ATG5: variants seen among roughly 807,000 people sequenced by gnomAD.
ATG5 encodes the protein autophagy protein 5.
A neutral mutation model predicts 36.5 loss-of-function variants in ATG5; 14 were observed. That is an observed-to-expected ratio of 0.38 (90% CI 0.25 to 0.60). ATG5 has a LOEUF of 0.60. Among genes scored for constraint, ATG5 ranks in the 20% least tolerant of loss-of-function variants. ATG5 has a pLI of 0.60. For missense variants in ATG5, 195 were observed against 326.7 expected (o/e 0.60, Z 3.11); for synonymous variants, 95 against 101.5 (o/e 0.94, Z 0.38).
intron 6 of ATG5, among the ~76,000 whole-genome samples, chr6:106,235,516 C>T (rs1043378732): frequency 6.6e-5 from 10 of 152,226 alleles, no homozygotes; most frequent in Middle Eastern, 3.4e-3. Context: ...TTTCCTAGGC[C>T]GACTAAGAAT....
chr6:106,301,434 T>A (rs945340334), intron 3 of ATG5, among the ~76,000 whole-genome samples: 1 of 151,964 alleles, frequency 6.6e-6, no homozygotes, highest in Non-Finnish European at 1.5e-5. Flanking sequence ...TTAGCAGGTG[T>A]GGTAAAAAGA....
intron 6 of ATG5, among the ~76,000 whole-genome samples, chr6:106,233,381 G>T (rs886840473): frequency 6.6e-6 from 1 of 152,200 alleles, no homozygotes; most frequent in Admixed American, 6.5e-5. Context: ...TACCCATTTA[G>T]TAAGATGGAC....
intron 3 of ATG5, among the ~76,000 whole-genome samples, chr6:106,299,713 G>A (rs1770129179): frequency 1.3e-5 from 2 of 152,214 alleles, no homozygotes. Flanking sequence ...GGCACATGGT[G>A]TAGCAATAAT....
At chr6:106,207,089 C>G (rs1053605008) in intron 6 of ATG5, among the ~76,000 whole-genome samples, 6 of 152,160 alleles carry the variant, frequency 3.9e-5, no homozygotes, top group Non-Finnish European at 8.8e-5. Context: ...CAGTATTACT[C>G]TCATGAGAAA....
At chr6:106,257,342 T>C (rs917810599) in intron 5 of ATG5, among the ~76,000 whole-genome samples, 1 of 152,196 alleles carries the variant, frequency 6.6e-6, no homozygotes, top group Non-Finnish European at 1.5e-5. Flanking sequence ...TATCAATTAC[T>C]GTACATAATT....
intron 6 of ATG5, 41 bp from the exon 7 acceptor site, chr6:106,202,130 T>A (rs760717290): frequency 6.6e-7 from 1 of 1,508,342 alleles, no homozygotes; most frequent in South Asian, 1.1e-5. Context: ...AATTAAGTCT[T>A]TGTTGCTGCC....
chr6:106,197,535 G>C (rs967272287), intron 7 of ATG5, among the ~76,000 whole-genome samples: 1 of 151,300 alleles, frequency 6.6e-6, no homozygotes. Flanking sequence ...GGGTGGGGGG[G>C]GCGGGGGTGG....
At chr6:106,245,557 C>G (rs987127942) in intron 6 of ATG5, among the ~76,000 whole-genome samples, 5 of 152,122 alleles carry the variant, frequency 3.3e-5, no homozygotes, top group African/African-American at 1.2e-4. Flanking sequence ...ATAATGATTC[C>G]TATTCCTAAG....
chr6:106,251,152 C>T (rs1212077644), intron 5 of ATG5, among the ~76,000 whole-genome samples: 1 of 152,206 alleles, frequency 6.6e-6, no homozygotes, highest in African/African-American at 2.4e-5. Flanking sequence ...GCATGGGCTG[C>T]CCATCTGTGG....
chr6:106,241,423 A>G (rs574536257), intron 6 of ATG5, among the ~76,000 whole-genome samples: 18 of 152,348 alleles, frequency 1.2e-4, no homozygotes, highest in African/African-American at 4.3e-4. Flanking sequence ...GCTACTACGG[A>G]AAACAGTATG....
At chr6:106,232,015 C>A (rs1235329616) in intron 6 of ATG5, among the ~76,000 whole-genome samples, 3 of 152,176 alleles carry the variant, frequency 2.0e-5, no homozygotes, top group Non-Finnish European at 4.4e-5. Flanking sequence ...CGTCCATGCA[C>A]CTCGTGTCAA....
At chr6:106,263,478 G>A (rs1304447554) in intron 5 of ATG5, among the ~76,000 whole-genome samples, 4 of 152,164 alleles carry the variant, frequency 2.6e-5, no homozygotes, top group Non-Finnish European at 2.9e-5. Context: ...CTGACAAGAC[G>A]GATTCTCCCA....
intron 7 of ATG5, among the ~76,000 whole-genome samples, chr6:106,191,966 T>C (rs1293987602): frequency 5.3e-5 from 8 of 152,218 alleles, no homozygotes; most frequent in African/African-American, 1.9e-4. Flanking sequence ...TAATACCTCC[T>C]GAATTATTCA....
At chr6:106,256,595 A>T (rs923610686) in intron 5 of ATG5, among the ~76,000 whole-genome samples, 3 of 151,914 alleles carry the variant, frequency 2.0e-5, no homozygotes, top group African/African-American at 4.9e-5. Context: ...TACTTAGAAA[A>T]CCTAGAGAGT....
intron 5 of ATG5, among the ~76,000 whole-genome samples, chr6:106,249,134 A>T (rs1437402879): frequency 6.6e-6 from 1 of 152,156 alleles, no homozygotes; most frequent in Non-Finnish European, 1.5e-5. Flanking sequence ...CTTGAGATAT[A>T]ATTTGCATAC....
At chr6:106,272,985 G>C (rs1779511051) in intron 5 of ATG5, among the ~76,000 whole-genome samples, 1 of 152,216 alleles carries the variant, frequency 6.6e-6, no homozygotes, top group Non-Finnish European at 1.5e-5. Context: ...ATGAGACTGA[G>C]TGACCGATAT....
intron 3 of ATG5, among the ~76,000 whole-genome samples, chr6:106,305,496 G>A (rs957944784): frequency 6.6e-6 from 1 of 152,142 alleles, no homozygotes; most frequent in African/African-American, 2.4e-5. Flanking sequence ...TGAATTCAGG[G>A]ACAGAATCAG....
At chr6:106,308,557 G>T (rs570220334) in intron 2 of ATG5, 66 bp from the exon 3 acceptor site, 1 of 1,263,396 alleles carries the variant, frequency 7.9e-7, no homozygotes, top group East Asian at 2.9e-5. Context: ...TACTAAGTAG[G>T]TTTTTGAATT....
At chr6:106,241,502 C>CA (rs1418697073) in intron 6 of ATG5, among the ~76,000 whole-genome samples, 1 of 152,090 alleles carries the variant, frequency 6.6e-6, no homozygotes, top group African/African-American at 2.4e-5. Context: ...GTAAATACCC[C>CA]AAATAACTGA....
Sources: gnomAD v4.1 joint callset for allele counts (sites outside exome capture counted in the v4.1 genomes callset) on GRCh38, gnomAD v4.1.1 for gene constraint, MANE v1.5 for transcripts, NCBI Gene and HGNC (gene_info 2026-07-23, HGNC 2026-07-21) for gene names.